CLVS1: variants seen among roughly 807,000 people sequenced by gnomAD.
CLVS1 encodes clavesin-1.
In CLVS1, 10 loss-of-function variants were observed where a neutral mutation model predicts 33.1. The ratio of observed to expected loss-of-function variants is 0.30; its 90% CI spans 0.19 to 0.51. The LOEUF (loss-of-function observed/expected upper bound fraction) is 0.51. Among genes scored for constraint, CLVS1 ranks in the 20% least tolerant of loss-of-function variants. The pLI is 0.97. For missense variants in CLVS1, 343 were observed against 433.4 expected (o/e 0.79, Z 1.85); for synonymous variants, 163 against 166.1 (o/e 0.98, Z 0.14).
chr8:61,065,312 G>A (rs190198950), intron 1 of CLVS1, among the ~76,000 whole-genome samples: 16 of 152,288 alleles, frequency 1.1e-4, no homozygotes, highest in African/African-American at 2.4e-5. Flanking sequence ...AAAAGTCTGT[G>A]TATGTTCAGT....
At chr8:61,159,543 T>G (rs1167391538) in intron 2 of CLVS1, among the ~76,000 whole-genome samples, 1 of 152,188 alleles carries the variant, frequency 6.6e-6, no homozygotes, top group Non-Finnish European at 1.5e-5. Flanking sequence ...ATTAATCAAA[T>G]TGGATTTGAA....
At chr8:61,237,429 T>C (rs1258419133) in intron 2 of CLVS1, among the ~76,000 whole-genome samples, 1 of 152,096 alleles carries the variant, frequency 6.6e-6, no homozygotes, top group East Asian at 1.9e-4. Flanking sequence ...GCCAAGGTGA[T>C]AGAGCAAGAC....
intron 5 of CLVS1, among the ~76,000 whole-genome samples, chr8:61,492,245 G>T (rs1000216308): frequency 1.3e-5 from 2 of 152,214 alleles, no homozygotes; most frequent in African/African-American, 4.8e-5. Flanking sequence ...AGAAACAGGT[G>T]AAATTAATTT....
chr8:61,094,866 T>G (rs986388384), intron 1 of CLVS1, among the ~76,000 whole-genome samples: 4 of 152,192 alleles, frequency 2.6e-5, no homozygotes, highest in Non-Finnish European at 5.9e-5. Flanking sequence ...ACCCGATCAG[T>G]GGTGCTTGGT....
chr8:61,236,375 G>A (rs377683403), intron 2 of CLVS1, among the ~76,000 whole-genome samples: 190 of 152,252 alleles, frequency 1.2e-3, no homozygotes, highest in African/African-American at 4.4e-3. Context: ...CATGGGGTCC[G>A]GAGTGAAACC....
chr8:61,302,888 G>A (rs1347240300), intron 2 of CLVS1, among the ~76,000 whole-genome samples: 4 of 152,188 alleles, frequency 2.6e-5, no homozygotes, highest in African/African-American at 9.7e-5. Flanking sequence ...GCAGGAGAGA[G>A]AGAGTGAGGG....
chr8:61,126,650 G>A (rs188770166), intron 1 of CLVS1, among the ~76,000 whole-genome samples: 2 of 152,310 alleles, frequency 1.3e-5, no homozygotes, highest in African/African-American at 4.8e-5. Context: ...TAAGCACCAA[G>A]GATTTGTTGA....
chr8:61,323,135 C>T (rs182999435), intron 2 of CLVS1, among the ~76,000 whole-genome samples: 2 of 152,230 alleles, frequency 1.3e-5, no homozygotes, highest in East Asian at 3.9e-4. Flanking sequence ...TGGAAGCCCA[C>T]TCATGTGATG....
chr8:61,261,608 C>A (rs768533226), intron 2 of CLVS1, among the ~76,000 whole-genome samples: 1 of 152,048 alleles, frequency 6.6e-6, no homozygotes, highest in Non-Finnish European at 1.5e-5. Flanking sequence ...GTGATTATAT[C>A]AGGAGGGTAG....
chr8:61,358,384 T>G (rs1812832795), intron 2 of CLVS1, among the ~76,000 whole-genome samples: 1 of 152,250 alleles, frequency 6.6e-6, no homozygotes, highest in Admixed American at 6.5e-5. Flanking sequence ...TATGCATATT[T>G]AGTCATATGT....
chr8:61,373,279 GAC>G (rs1813512015), intron 2 of CLVS1, among the ~76,000 whole-genome samples: 1 of 152,190 alleles, frequency 6.6e-6, no homozygotes, highest in Non-Finnish European at 1.5e-5. Context: ...CATGACTCAA[GAC>G]ACAGTCCGTG....
intron 2 of CLVS1, among the ~76,000 whole-genome samples, chr8:61,234,682 G>A (rs547639543): frequency 1.4e-4 from 21 of 152,190 alleles, no homozygotes; most frequent in African/African-American, 4.8e-4. Flanking sequence ...TCACGCAGGC[G>A]GACAATGGCA....
intron 5 of CLVS1, among the ~76,000 whole-genome samples, chr8:61,478,633 T>A (rs1438814747): frequency 1.3e-5 from 2 of 152,206 alleles, no homozygotes; most frequent in Non-Finnish European, 2.9e-5. Context: ...GAGACTAGGA[T>A]TGCAACCCCT....
chr8:61,173,908 C>T lies in CLVS1; in HGVS notation c.-152+42048C>T, dbSNP rs113907573. Among the ~76,000 whole-genome samples the T allele has an allele frequency of 3.4e-3, 522 of 152,302 alleles. 3 individuals are homozygous for T. Among genetic ancestry groups the T allele is most frequent in the Non-Finnish European group, 5.3e-3 (361 of 68,016 alleles). On this transcript the variant is annotated intron_variant, in intron 2 of 2. Transcript: ENST00000522621. The stretch of plus-strand genomic sequence containing the variant: ...AATAGTGTCTGATATTTATGCACAA[C>T]TGAAAATATGGGTTATTTTTGCCAG...
chr8:61,337,848 G>A (rs1811860918), intron 2 of CLVS1, among the ~76,000 whole-genome samples: 1 of 152,184 alleles, frequency 6.6e-6, no homozygotes, highest in Non-Finnish European at 1.5e-5. Flanking sequence ...ACCACATCAT[G>A]CAGAGGACTA....
At chr8:61,405,840 T>C (rs1438904028) in intron 3 of CLVS1, among the ~76,000 whole-genome samples, 2 of 151,802 alleles carry the variant, frequency 1.3e-5, no homozygotes, top group Non-Finnish European at 2.9e-5. Flanking sequence ...GATAACTCAA[T>C]ATCATTATGA....
Position 61,501,561 on chromosome 8 carries a change from A to G in CLVS1, c.*2019A>G, listed in dbSNP as rs1318799220. 6.6e-6 allele frequency: 1 copy of G among 152,226 alleles called. No homozygotes were observed. Among genetic ancestry groups the G allele is most frequent in the African/African-American group, 2.4e-5 (1 of 41,472 alleles). The allele number at this position is 152,226 out of a possible 1,614,324, so 9.4% of individuals were successfully genotyped here. On this transcript the variant is annotated 3_prime_UTR_variant, in exon 6 of 6. Coordinates refer to ENST00000325897, the MANE Select transcript of CLVS1 (RefSeq NM_173519.3). Reference sequence around the variant, plus strand: ...CAACAAGTGACATGAATGTTACTACATGAACATTGAATTGTATTGCCCTTG... The same window carrying G: ...CAACAAGTGACATGAATGTTACTACGTGAACATTGAATTGTATTGCCCTTG...
intron 2 of CLVS1, chr8:61,203,277 T>A: frequency 1.2e-6 from 1 of 820,904 alleles, no homozygotes; most frequent in Non-Finnish European, 2.1e-6. Context: ...ATTTCATTTC[T>A]GTAACAGTTG....
At chr8:61,343,148 A>G (rs768303064) in intron 2 of CLVS1, among the ~76,000 whole-genome samples, 3 of 152,236 alleles carry the variant, frequency 2.0e-5, no homozygotes, top group Non-Finnish European at 2.9e-5. Flanking sequence ...GTACAGCATG[A>G]TTCTGTTAAA....
Sources: gnomAD v4.1 joint callset for allele counts (sites outside exome capture counted in the v4.1 genomes callset) on GRCh38, gnomAD v4.1.1 for gene constraint, MANE v1.5 for transcripts, NCBI Gene and HGNC (gene_info 2026-07-23, HGNC 2026-07-21) for gene names.